The following PTPRD variants were observed in gnomAD, a reference collection of about 807,000 sequenced individuals.
The protein encoded by PTPRD is receptor-type tyrosine-protein phosphatase delta.
PTPRD carries 34 observed loss-of-function variants against 214.5 expected under a neutral mutation model. That is an observed-to-expected ratio of 0.16 (90% CI 0.12 to 0.21). The LOEUF is 0.21. Among genes scored for constraint, PTPRD ranks in the 10% least tolerant of loss-of-function variants. PTPRD has a pLI of 1.00. For missense variants in PTPRD, 2,545 were observed against 2,398.7 expected (o/e 1.06, Z -1.27); for synonymous variants, 1,128 against 845.7 (o/e 1.33, Z -5.79).
chr9:9,107,366 C>T (rs2099800089), intron 10 of PTPRD, among the ~76,000 whole-genome samples: 1 of 152,174 alleles, frequency 6.6e-6, no homozygotes, highest in South Asian at 2.1e-4. Context: ...AAGCTGCATG[C>T]TTGATTGCCA....
At chr9:9,459,006 T>C (rs1569568513) in intron 8 of PTPRD, among the ~76,000 whole-genome samples, 1 of 151,882 alleles carries the variant, frequency 6.6e-6, no homozygotes, top group African/African-American at 2.4e-5. Context: ...AGGTGAATGG[T>C]CATGCTTTAA....
chr9:8,321,507 A>ATATATATATATATATG, intron 44 of PTPRD, among the ~76,000 whole-genome samples: 2 of 100,018 alleles, frequency 2.0e-5, no homozygotes, highest in African/African-American at 8.6e-5. Context: ...ATATATATAT[A>ATATATATATATATATG]TATATATATA....
chr9:8,811,920 A>G (rs1052265099), intron 11 of PTPRD, among the ~76,000 whole-genome samples: 10 of 152,110 alleles, frequency 6.6e-5, no homozygotes, highest in Non-Finnish European at 1.3e-4. Context: ...TGGGGACTTG[A>G]GGCTTGTGAG....
chr9:10,442,848 A>G (rs902149952), intron 2 of PTPRD, among the ~76,000 whole-genome samples: 1 of 151,664 alleles, frequency 6.6e-6, no homozygotes, highest in Admixed American at 6.6e-5. Context: ...TAATTAGACT[A>G]AAATATACAG....
intron 39 of PTPRD, among the ~76,000 whole-genome samples, chr9:8,374,493 A>C (rs1254531951): frequency 1.3e-5 from 2 of 152,070 alleles, no homozygotes; most frequent in African/African-American, 4.8e-5. Context: ...AGAAAACTGC[A>C]ACTGGAGTGG....
chr9:10,005,536 C>A (rs751194349), intron 4 of PTPRD, among the ~76,000 whole-genome samples: 1 of 151,936 alleles, frequency 6.6e-6, no homozygotes, highest in Non-Finnish European at 1.5e-5. Flanking sequence ...ATCAGAAAGT[C>A]GAGAATTTAA....
intron 8 of PTPRD, among the ~76,000 whole-genome samples, chr9:9,495,204 T>G (rs2096117641): frequency 6.7e-6 from 1 of 150,374 alleles, no homozygotes; most frequent in South Asian, 2.1e-4. Flanking sequence ...TCTATACAAC[T>G]CAGAGAAGAA....
rs145609699 is a variant in PTPRD, at chr9:8,982,091, G to C, written c.-104+36606C>G. 1.1e-4 allele frequency among the ~76,000 whole-genome samples: 17 copies of C among 152,110 alleles called. No homozygotes were observed. In the East Asian group the frequency reaches 2.7e-3, roughly 24 times the overall value. The stretch of plus-strand genomic sequence containing the variant: ...CAAGAAGTGAATGGCAGTGAAAATA[G>C]AGGTATTTCAAAGTGAAATTAACAC... On this transcript the variant is annotated intron_variant, in intron 11 of 45. Coordinates refer to ENST00000381196, the MANE Select transcript of PTPRD (RefSeq NM_002839.4).
intron 3 of PTPRD, among the ~76,000 whole-genome samples, chr9:10,254,753 C>T (rs919689705): frequency 6.6e-6 from 1 of 152,106 alleles, no homozygotes; most frequent in African/African-American, 2.4e-5. Flanking sequence ...TTCTGTCCTG[C>T]TCAGGGGTCA....
At chr9:9,160,908 G>A (rs112537624) in intron 10 of PTPRD, among the ~76,000 whole-genome samples, 3 of 152,296 alleles carry the variant, frequency 2.0e-5, no homozygotes, top group African/African-American at 7.2e-5. Flanking sequence ...ATTATGCTAA[G>A]TGAAATAAAC....
chr9:10,384,684 C>G (rs947535629), intron 2 of PTPRD, among the ~76,000 whole-genome samples: 1 of 149,988 alleles, frequency 6.7e-6, no homozygotes, highest in African/African-American at 2.5e-5. Context: ...GAACGTTTGT[C>G]AAAGTTAGAT....
At chr9:8,879,444 G>A (rs922271002) in intron 11 of PTPRD, among the ~76,000 whole-genome samples, 2 of 152,148 alleles carry the variant, frequency 1.3e-5, no homozygotes, top group African/African-American at 2.4e-5. Flanking sequence ...GAGCTTGGTA[G>A]GCACTGCAAA....
intron 2 of PTPRD, among the ~76,000 whole-genome samples, chr9:10,371,624 A>G (rs1340212321): frequency 2.0e-5 from 3 of 151,390 alleles, no homozygotes; most frequent in Admixed American, 1.3e-4. Context: ...CCTTAACCCA[A>G]CTCTCCCTCT....
chr9:9,138,685 G>A (rs10759045), intron 10 of PTPRD, among the ~76,000 whole-genome samples: 22,143 of 152,040 alleles, frequency 0.15, 1,954 homozygotes, highest in African/African-American at 0.24. Context: ...CAAATTGAAC[G>A]TTATGAGCAG....
intron 9 of PTPRD, among the ~76,000 whole-genome samples, chr9:9,372,419 G>A (rs1019308725): frequency 1.3e-5 from 2 of 152,030 alleles, no homozygotes; most frequent in Non-Finnish European, 2.9e-5. Flanking sequence ...TGTTTTATCA[G>A]AGACTAGGAT....
intron 14 of PTPRD, among the ~76,000 whole-genome samples, chr9:8,609,317 G>A (rs566056482): frequency 3.9e-5 from 6 of 152,310 alleles, no homozygotes; most frequent in Non-Finnish European, 7.3e-5. Context: ...AAGGGCAGCA[G>A]CACAGAGCAT....
intron 3 of PTPRD, among the ~76,000 whole-genome samples, chr9:10,069,789 T>G (rs1354975663): frequency 1.3e-5 from 2 of 152,074 alleles, no homozygotes; most frequent in African/African-American, 4.8e-5. Context: ...ATGACAATTA[T>G]GAAATGAACA....
chr9:9,346,528 G>A (rs2048870067), intron 9 of PTPRD, among the ~76,000 whole-genome samples: 1 of 152,046 alleles, frequency 6.6e-6, no homozygotes, highest in South Asian at 2.1e-4. Context: ...TTGAAAAGAT[G>A]GAAGATTTAT....
At chr9:10,289,111 G>A (rs944221465) in intron 3 of PTPRD, among the ~76,000 whole-genome samples, 3 of 151,826 alleles carry the variant, frequency 2.0e-5, no homozygotes, top group African/African-American at 7.3e-5. Context: ...AAGCCTTCCA[G>A]GATGGGATGA....
Sources: gnomAD v4.1 joint callset for allele counts (sites outside exome capture counted in the v4.1 genomes callset) on GRCh38, gnomAD v4.1.1 for gene constraint, MANE v1.5 for transcripts, NCBI Gene and HGNC (gene_info 2026-07-23, HGNC 2026-07-21) for gene names.